ZNF605: variants seen among roughly 807,000 people sequenced by gnomAD.
The protein encoded by ZNF605 is zinc finger protein 605.
In ZNF605, 9 loss-of-function variants were observed where a neutral mutation model predicts 7.9. The ratio of observed to expected loss-of-function variants is 1.14; its 90% CI spans 0.68 to 1.98. The LOEUF (loss-of-function observed/expected upper bound fraction) is 1.98, where lower values mean the gene tolerates loss of function less well. Ranked by LOEUF, ZNF605 falls within the 30% of genes most tolerant of loss-of-function variation. ZNF605 has a pLI of 0.00. For synonymous variants in ZNF605, 255 were observed against 260.1 expected (o/e 0.98, Z 0.19); for missense variants, 673 against 762.4 (o/e 0.88, Z 1.38).
In ZNF605 at chr12:132,926,799, C is replaced by A; in HGVS notation, c.500G>T (p.Gly167Val). The change falls in exon 5 of 5, where the codon GGA (glycine) becomes GTA (valine). Residue 167 changes from glycine to valine, a missense_variant. Coordinates refer to ENST00000360187, the MANE Select transcript of ZNF605 (RefSeq NM_183238.4). ...GCCACATTCCATGCATAAATAGACT[C>A]CTGTGTGTGTTATGTGATTAGCAGT... The part of the protein sequence containing the change: ...WLTANHITHT[G>V]VYLCMECGRF... 6.2e-7 allele frequency: 1 copy of A among 1,614,154 alleles called. No individual in the cohort carries two copies. The highest frequency in any genetic ancestry group is 8.5e-7 in the Non-Finnish European group (1 of 1,180,026).
chr12:132,928,138 G>C (rs1228288932), intron 4 of ZNF605, among the ~76,000 whole-genome samples: 1 of 151,538 alleles, frequency 6.6e-6, no homozygotes, highest in Non-Finnish European at 1.5e-5. Flanking sequence ...GAAGAAGTGA[G>C]GTAATATAGT....
At chr12:132,936,309 A>G (rs1952366514) in intron 3 of ZNF605, among the ~76,000 whole-genome samples, 1 of 152,172 alleles carries the variant, frequency 6.6e-6, no homozygotes, top group Non-Finnish European at 1.5e-5. Context: ...AGAGTAGATT[A>G]GGAAAAGATA....
chr12:132,936,735 G>C (rs1177421784), intron 3 of ZNF605, among the ~76,000 whole-genome samples: 1 of 151,876 alleles, frequency 6.6e-6, no homozygotes, highest in Non-Finnish European at 1.5e-5. Context: ...ATGGATCACA[G>C]ACCTAAACAT....
chr12:132,950,839 TCA>T (rs1952552949), intron 1 of ZNF605, among the ~76,000 whole-genome samples: 1 of 147,472 alleles, frequency 6.8e-6, no homozygotes, highest in Non-Finnish European at 1.5e-5. Context: ...ATAACGAACA[TCA>T]CACATACAGA....
intron 4 of ZNF605, among the ~76,000 whole-genome samples, chr12:132,929,779 T>C (rs1952287734): frequency 6.6e-6 from 1 of 152,044 alleles, no homozygotes; most frequent in Admixed American, 6.6e-5. Context: ...ACCCCATTTC[T>C]ACTAAAAATA....
chr12:132,941,473 A>T lies in ZNF605; in HGVS notation c.15+4148T>A, dbSNP rs1952440567. 6.6e-6 allele frequency among the ~76,000 whole-genome samples: 1 copy of T among 152,190 alleles called. No homozygotes were observed. The highest frequency in any genetic ancestry group is 2.4e-5 in the African/African-American group (1 of 41,452). Reference sequence around the variant, plus strand: ...CACACTATCCAGGCCCGACATGACCAGATCTGCTTCCCGTTCAGGTTTCCT... The same window carrying T: ...CACACTATCCAGGCCCGACATGACCTGATCTGCTTCCCGTTCAGGTTTCCT... On this transcript the variant is annotated intron_variant, in intron 3 of 4. Transcript: ENST00000360187. The surrounding 1 kb of genome is among the most constrained non-coding windows in gnomAD (Gnocchi z 5.1).
chr12:132,940,720 G>C (rs1198911361), intron 3 of ZNF605, among the ~76,000 whole-genome samples: 1 of 152,086 alleles, frequency 6.6e-6, no homozygotes, highest in Non-Finnish European at 1.5e-5. Context: ...AAGGTTCCTG[G>C]TGGAGACAGG....
intron 1 of ZNF605, among the ~76,000 whole-genome samples, chr12:132,954,788 C>G (rs1952617918): frequency 6.6e-6 from 1 of 151,982 alleles, no homozygotes; most frequent in Non-Finnish European, 1.5e-5. Context: ...ATGCCGATCC[C>G]GCAGGCCCCT....
rs1437512687 is a variant in ZNF605 at position 132,926,912 on chromosome 12, G to A, written c.387C>T (p.Phe129=). 18 of 1,612,750 alleles carry A rather than the reference G, an allele frequency of 1.1e-5. No homozygotes were observed. The highest frequency in any genetic ancestry group is 1.4e-5 in the Non-Finnish European group (16 of 1,179,562). ...KIDELNKKLL[F]CIKPGRTHGG... The stretch of plus-strand genomic sequence containing the variant: ...CATGGGTTCTGCCAGGTTTGATACA[G>A]AACAATAATTTCTTATTGAGTTCAT... The change falls in exon 5 of 5, where the codon TTC becomes TTT. Residue 129 remains phenylalanine, a synonymous_variant. Coordinates refer to ENST00000360187, the MANE Select transcript of ZNF605 (RefSeq NM_183238.4).
At position 132,926,951 on chromosome 12, in the gene ZNF605, T is replaced by G; in HGVS notation, c.348A>C (p.Glu116Asp). Reference sequence around the variant, plus strand: ...TATTGAGTTCATCAATTTTCTTTCTTTCACAATTATTTTTTGGAATAAGCA... The same window carrying G: ...TATTGAGTTCATCAATTTTCTTTCTGTCACAATTATTTTTTGGAATAAGCA... ...FDLLIPKNNCERKKIDELNKK... is the reference protein window; with the variant it reads ...FDLLIPKNNCDRKKIDELNKK... Residue 116 changes from glutamate to aspartate, a missense_variant, in exon 5 of 5, where the codon GAA becomes GAC. Coordinates refer to ENST00000360187, the MANE Select transcript of ZNF605 (RefSeq NM_183238.4). 1 of 1,610,734 alleles carries G rather than the reference T, an allele frequency of 6.2e-7. No individual in the cohort carries two copies. Among genetic ancestry groups the G allele is most frequent in the Non-Finnish European group, 8.5e-7 (1 of 1,178,846 alleles).
At position 132,926,597 on chromosome 12, in the gene ZNF605, A is replaced by G. The variant is rs1310996232; in HGVS notation, c.702T>C (p.Phe234=). Residue 234 remains phenylalanine (F), a synonymous_variant, in exon 5 of 5, where the codon TTT becomes TTC. Transcript: ENST00000360187. ...PHGCSECQKA[F]SRKSLLILHQ... ...GTAAAATGAGGAGTGACTTCCTACT[A>G]AAAGCTTTCTGACATTCGCTGCACC... The G allele has an allele frequency of 5.6e-6, 9 of 1,614,124 alleles. No homozygotes were observed. The East Asian group carries it at 2.0e-4, about 36-fold the overall frequency.
chr12:132,932,769 A>AG (rs1236253416), intron 4 of ZNF605: 17 of 1,536,546 alleles, frequency 1.1e-5, no homozygotes, highest in Non-Finnish European at 1.5e-5. Context: ...TTGTTGTTCC[A>AG]GTTTGAACAT....
intron 4 of ZNF605, among the ~76,000 whole-genome samples, chr12:132,929,044 C>CAAAACAAAACA: frequency 6.6e-6 from 1 of 151,180 alleles, no homozygotes; most frequent in East Asian, 1.9e-4. Flanking sequence ...CAAAACAAAA[C>CAAAACAAAACA]AAAAAAACCC....
At chr12:132,948,487 C>T (rs946484544) in intron 1 of ZNF605, 1 of 152,434 alleles carries the variant, frequency 6.6e-6, no homozygotes, top group Non-Finnish European at 1.5e-5. Context: ...AAGGGCCCCA[C>T]AGGCAAGGGG....
intron 3 of ZNF605, among the ~76,000 whole-genome samples, chr12:132,943,561 A>T (rs1472468869): frequency 6.6e-6 from 1 of 151,878 alleles, no homozygotes; most frequent in Non-Finnish European, 1.5e-5. Flanking sequence ...AGGCACCTGC[A>T]CTCCAGTCTC....
At chr12:132,932,770 G>A (rs1668764702) in intron 4 of ZNF605, 5 of 1,536,430 alleles carry the variant, frequency 3.3e-6, no homozygotes, top group South Asian at 1.2e-5. Flanking sequence ...TGTTGTTCCA[G>A]TTTGAACATT....
In ZNF605 at chr12:132,918,345, G is replaced by C. The variant is rs1175968917; in HGVS notation, c.*7028C>G. 1 of 152,220 alleles carries C rather than the reference G, an allele frequency of 6.6e-6. No homozygotes were observed. Among genetic ancestry groups the C allele is most frequent in the Non-Finnish European group, 1.5e-5 (1 of 68,056 alleles). 9.4% of individuals were successfully genotyped at this position (152,220 alleles called of 1,614,324 possible). On this transcript the variant is annotated 3_prime_UTR_variant, in exon 5 of 5. Transcript: ENST00000360187. ...AGAGTTTATTTGCAAATTGCTCCCA[G>C]TGATCACACTCACACATATGAATTC...
At position 132,943,064 on chromosome 12, in the gene ZNF605, T is replaced by G. The variant is rs1208973422; in HGVS notation, c.15+2557A>C. Among the ~76,000 whole-genome samples, 3 of 152,186 alleles carry G rather than the reference T, an allele frequency of 2.0e-5. No individual in the cohort carries two copies. In the East Asian group the frequency reaches 5.8e-4, roughly 29 times the overall value. ...TGGAGTCAAGGAGTTCAGCTCCTGGTTAAATACCTGTAGTGCGGCCGGGCA... is the reference window on the plus strand; with the variant it reads ...TGGAGTCAAGGAGTTCAGCTCCTGGGTAAATACCTGTAGTGCGGCCGGGCA... On this transcript the variant is annotated intron_variant, in intron 3 of 4. Coordinates refer to ENST00000360187, the MANE Select transcript of ZNF605 (RefSeq NM_183238.4).
At position 132,921,739 on chromosome 12, in the gene ZNF605, C is replaced by G. The variant is rs1381213619; in HGVS notation, c.*3634G>C. ...TGCAAATCCAAGTGAAAGGAAAAAG[C>G]ACTACTGTGAAGCCTAACGGCAATT... On this transcript the variant is annotated 3_prime_UTR_variant, in exon 5 of 5. Transcript: ENST00000360187. The G allele has an allele frequency of 6.6e-6, 1 of 152,176 alleles. No individual in the cohort carries two copies. Among genetic ancestry groups the G allele is most frequent in the African/African-American group, 2.4e-5 (1 of 41,434 alleles). 9.4% of individuals were successfully genotyped at this position (152,176 alleles called of 1,614,324 possible). A position where few individuals can be genotyped will look rare whatever the true frequency, so the allele number is the denominator to read the frequency against.
Sources: gnomAD v4.1 joint callset for allele counts (sites outside exome capture counted in the v4.1 genomes callset) on GRCh38, gnomAD v4.1.1 for gene constraint, Gnocchi (gnomAD v3.1) non-coding constraint, MANE v1.5 for transcripts, NCBI Gene and HGNC (gene_info 2026-07-23, HGNC 2026-07-21) for gene names.